ARHGDIG: variants seen among roughly 807,000 people sequenced by gnomAD.
The protein encoded by ARHGDIG is rho GDP-dissociation inhibitor 3.
Under a neutral mutation model 20.2 loss-of-function variants are expected in ARHGDIG, and 14 were observed. The observed-to-expected ratio is 0.69, with a 90% CI of 0.46 to 1.08. The LOEUF (loss-of-function observed/expected upper bound fraction) is 1.08, where lower values mean the gene tolerates loss of function less well. Among genes scored for constraint, ARHGDIG ranks in the 50% least tolerant of loss-of-function variants. The probability of loss-of-function intolerance (pLI) is 0.00; values close to 1 mark genes in which losing one functional copy is unlikely to be tolerated. For synonymous variants in ARHGDIG, 193 were observed against 138.6 expected (o/e 1.39, Z -2.76); for missense variants, 311 against 301.8 (o/e 1.03, Z -0.23).
chr16:281,471 G>A (rs766766772), intron 1 of ARHGDIG: 3 of 427,698 alleles, frequency 7.0e-6, no homozygotes, highest in African/African-American at 2.0e-5. Flanking sequence ...CCGCCCTTTG[G>A]TCTCCGAGTC....
In ARHGDIG at chr16:281,861, C is replaced by G; in HGVS notation, c.189C>G (p.Asp63Glu). 1 of 1,611,260 alleles carries G rather than the reference C, an allele frequency of 6.2e-7. No homozygotes were observed. Among genetic ancestry groups the G allele is most frequent in the Non-Finnish European group, 8.5e-7 (1 of 1,179,826 alleles). ...GCCTCTTGGAGATCCGGCAGCTGGA[C>G]CCGGACGACAGGAGCCTGGCCAAGT... ...RKSLLEIRQL[D>E]PDDRSLAKYK... Residue 63 changes from aspartate (D) to glutamate (E), a missense_variant, in exon 2 of 6, where the codon GAC (aspartate) becomes GAG (glutamate). Transcript: ENST00000219409.
At chr16:281,613 C>T (rs1055380430) in intron 1 of ARHGDIG, 133 bp from the exon 2 acceptor site, 13 of 1,108,042 alleles carry the variant, frequency 1.2e-5, no homozygotes, top group Non-Finnish European at 1.6e-5. Context: ...TCGCTCTCTC[C>T]CTGAGCCCCC....
At chr16:282,558 C>CGGGGGGGGGGGAAGGGGG (rs61572786) in intron 5 of ARHGDIG, 28 bp downstream of exon 5, 13 of 1,313,272 alleles carry the variant, frequency 9.9e-6, no homozygotes, top group Admixed American at 7.5e-5. Context: ...GGGAACGGGG[C>CGGGGGGGGGGGAAGGGGG]GGGGGGGGGA....
At chr16:281,681 C>T in intron 1 of ARHGDIG, 65 bp from the exon 2 acceptor site, 1 of 1,482,704 alleles carries the variant, frequency 6.7e-7, no homozygotes. Context: ...AGAGGGGGCT[C>T]CAGCCTGGTG....
rs752521539 is a variant in ARHGDIG at position 282,787 on chromosome 16, C to T, written c.651C>T (p.Leu217=). ...ACCACCTGTCCTGGGAGTGGGGTCT[C>T]TGCATCTGCCAGGACTGGAAGGACT... ...RTHHLSWEWG[L]CICQDWKD Residue 217 remains leucine, a synonymous_variant, in exon 6 of 6, where the codon CTC becomes CTT. Transcript: ENST00000219409. 6.8e-6 allele frequency: 11 copies of T among 1,607,192 alleles called. No homozygotes were observed. The East Asian group carries it at 8.9e-5, about 13-fold the overall frequency.
chr16:282,657 C>G lies in ARHGDIG; in HGVS notation c.521C>G (p.Ala174Gly). 2.5e-6 allele frequency: 4 copies of G among 1,600,068 alleles called. No homozygotes were observed. Among genetic ancestry groups the G allele is most frequent in the Non-Finnish European group, 3.4e-6 (4 of 1,172,932 alleles). The change falls in exon 6 of 6, where the codon GCC becomes GGC. Residue 174 changes from alanine (A) to glycine (G), a missense_variant. Transcript: ENST00000219409. ...VYMVGSYGPS[A>G]QEYEFVTPVE... Reference sequence around the variant, plus strand: ...ATGGTGGGCAGCTATGGCCCGAGCGCCCAGGAGTATGAGTTTGTGACTCCG... The same window carrying G: ...ATGGTGGGCAGCTATGGCCCGAGCGGCCAGGAGTATGAGTTTGTGACTCCG...
chr16:282,217 A>G (rs2052293486), intron 3 of ARHGDIG, 80 bp from the exon 4 acceptor site: 1 of 1,605,460 alleles, frequency 6.2e-7, no homozygotes, highest in East Asian at 2.2e-5. Context: ...CCTCATGGGT[A>G]CCACACCCTA....
At chr16:281,400 C>CCTAGAGGGTCAGTAGGTTTGGGG (rs1567247532) in intron 1 of ARHGDIG, 3 of 235,342 alleles carry the variant, frequency 1.3e-5, no homozygotes, top group African/African-American at 4.6e-5. Flanking sequence ...CGCCGAGGGC[C>CCTAGAGGGTCAGTAGGTTTGGGG]GCTGCTCTCT....
rs117235505 is a variant in ARHGDIG, at chr16:282,066, C to T, written c.295C>T (p.Leu99=). 2.3e-4 allele frequency: 371 copies of T among 1,612,860 alleles called. No individual in the cohort carries two copies. The highest frequency in any genetic ancestry group is 3.0e-4 in the Non-Finnish European group (359 of 1,179,934). The change falls in exon 3 of 6, where the codon CTG becomes TTG. Residue 99 remains leucine, a synonymous_variant. Transcript: ENST00000219409. ...PNVQVTRLTL[L]SEQAPGPVVM... ...TGTGCAGGTGACCAGGCTGACACTC[C>T]TGTCGGAACAGGCTCCGGGGCCCGT...
intron 1 of ARHGDIG, 97 bp from the exon 2 acceptor site, chr16:281,649 A>T: frequency 7.5e-7 from 1 of 1,341,600 alleles, no homozygotes; most frequent in South Asian, 1.4e-5. Context: ...GTCCCTTTGG[A>T]TAGTGGGAGG....
rs28365939 is a variant in ARHGDIG, at chr16:282,996, C to A, written c.*182C>A. The A allele has an allele frequency of 1.5e-5, 13 of 890,270 alleles. No individual in the cohort carries two copies. The highest frequency in any genetic ancestry group is 1.3e-4 in the South Asian group (7 of 55,168). 55.1% of individuals were successfully genotyped at this position (890,270 alleles called of 1,614,324 possible). ...CCTGAGCTGTCCCATTAAACATGGC[C>A]CTGTCTCTCTCGGTGCCCTGGGTGT... On this transcript the variant is annotated 3_prime_UTR_variant, in exon 6 of 6. Coordinates refer to ENST00000219409, the MANE Select transcript of ARHGDIG (RefSeq NM_001176.4).
chr16:282,907 C>CT lies in ARHGDIG; in HGVS notation c.*94dup. Reference sequence around the variant, plus strand: ...CCCCCGTGAGTGACCAGACCCTCCCCTGCTGCCCCTGCTGCCCCTGCTGCC... The same window carrying CT: ...CCCCCGTGAGTGACCAGACCCTCCCCTTGCTGCCCCTGCTGCCCCTGCTGCC... On this transcript the variant is annotated 3_prime_UTR_variant, in exon 6 of 6. Coordinates refer to ENST00000219409, the MANE Select transcript of ARHGDIG (RefSeq NM_001176.4). The CT allele has an allele frequency of 1.0e-6, 1 of 961,578 alleles. No homozygotes were observed. The highest frequency in any genetic ancestry group is 3.2e-4 in the Middle Eastern group (1 of 3,150). The allele number at this position is 961,578 out of a possible 1,614,324, so 59.6% of individuals were successfully genotyped here.
rs2052304413 is a variant in ARHGDIG, at chr16:282,981, C to T, written c.*167C>T. On this transcript the variant is annotated 3_prime_UTR_variant, in exon 6 of 6. Transcript: ENST00000219409. ...GGCCTGGCGCTGTCCCCTGAGCTGT[C>T]CCATTAAACATGGCCCTGTCTCTCT... 7.8e-6 allele frequency: 7 copies of T among 898,130 alleles called. No homozygotes were observed. In the Admixed American group the frequency reaches 1.4e-4, roughly 18 times the overall value. 55.6% of individuals were successfully genotyped at this position (898,130 alleles called of 1,614,324 possible). A position where few individuals can be genotyped will look rare whatever the true frequency, so the allele number is the denominator to read the frequency against.
At position 280,868 on chromosome 16, in the gene ARHGDIG, C is replaced by G; in HGVS notation, c.73+115C>G. On this transcript the variant is annotated intron_variant, in intron 1 of 5. Transcript: ENST00000219409. This position sits in a 1 kb window ranked among gnomAD's most constrained non-coding sequence, Gnocchi z 6.6. ...CATGGGGACCTCGCGGCGCCGACCC[C>G]CCGGCTGGGGTCTGGCAGGGGTGGG... 1.7e-6 allele frequency: 1 copy of G among 571,456 alleles called. No individual in the cohort carries two copies. Among genetic ancestry groups the G allele is most frequent in the Non-Finnish European group, 2.4e-6 (1 of 423,486 alleles). The allele number at this position is 571,456 out of a possible 1,614,324, so 35.4% of individuals were successfully genotyped here.
Position 282,046 on chromosome 16 carries a change from A to G in ARHGDIG, c.275A>G (p.Gln92Arg). 1 of 1,612,718 alleles carries G rather than the reference A, an allele frequency of 6.2e-7. No individual in the cohort carries two copies. Among genetic ancestry groups the G allele is most frequent in the Non-Finnish European group, 8.5e-7 (1 of 1,179,898 alleles). Reference sequence around the variant, plus strand: ...TCAGACCCAAGCCTGCCCAATGTGCAGGTGACCAGGCTGACACTCCTGTCG... The same window carrying G: ...TCAGACCCAAGCCTGCCCAATGTGCGGGTGACCAGGCTGACACTCCTGTCG... ...PAVDPSLPNV[Q>R]VTRLTLLSEQ... The change falls in exon 3 of 6, where the codon CAG (glutamine) becomes CGG (arginine). Residue 92 changes from glutamine (Q) to arginine (R), a missense_variant. Gln to Arg is a conservative substitution (Grantham distance 43). Transcript: ENST00000219409.
At chr16:281,502 C>T (rs1241031024) in intron 1 of ARHGDIG, 2 of 493,180 alleles carry the variant, frequency 4.1e-6, no homozygotes, top group African/African-American at 1.9e-5. Context: ...CCCTTGTGGA[C>T]ATCTGGGCCA....
At chr16:282,567 G>GT in intron 5 of ARHGDIG, 37 bp downstream of exon 5, 1 of 957,412 alleles carries the variant, frequency 1.0e-6, no homozygotes, top group Non-Finnish European at 1.5e-6. Context: ...GCGGGGGGGG[G>GT]AAGCGGGGGC....
intron 1 of ARHGDIG, chr16:281,491 G>A (rs904279639): frequency 1.5e-5 from 7 of 461,262 alleles, no homozygotes; most frequent in African/African-American, 1.4e-4. Context: ...CAGGGAGGGG[G>A]CCCTTGTGGA....
chr16:282,206 A>C, intron 3 of ARHGDIG, 91 bp from the exon 4 acceptor site: 1 of 1,604,536 alleles, frequency 6.2e-7, no homozygotes, highest in Admixed American at 1.7e-5. Flanking sequence ...ACAGTCGCAC[A>C]CCTCATGGGT....
Sources: gnomAD v4.1 joint callset for allele counts on GRCh38, gnomAD v4.1.1 for gene constraint, Gnocchi (gnomAD v3.1) non-coding constraint, MANE v1.5 for transcripts, NCBI Gene and HGNC (gene_info 2026-07-23, HGNC 2026-07-21) for gene names.